The following COL23A1 variants were observed in gnomAD, a reference collection of about 807,000 sequenced individuals.
COL23A1 encodes collagen type XXIII alpha 1 chain, also known as collagen alpha-1(XXIII) chain.
COL23A1 carries 97 observed loss-of-function variants against 99.3 expected under a neutral mutation model. That is an observed-to-expected ratio of 0.98 (90% CI 0.83 to 1.16). The LOEUF (loss-of-function observed/expected upper bound fraction) is 1.16. Ranked by LOEUF, COL23A1 falls within the 50% of genes most tolerant of loss-of-function variation. COL23A1 has a pLI of 0.00. For synonymous variants in COL23A1, 320 were observed against 308.2 expected, an observed-to-expected ratio of 1.04 and a Z score of -0.40; for missense variants, 762 against 757.4, an observed-to-expected ratio of 1.01 and a Z score of -0.07.
chr5:178,485,135 C>T (rs1757548214), intron 2 of COL23A1, among the ~76,000 whole-genome samples: 1 of 152,192 alleles, frequency 6.6e-6, no homozygotes, highest in African/African-American at 2.4e-5. Context: ...TATTCCCCAC[C>T]TCATTCCAAC....
rs887570584 is a variant in COL23A1 at position 178,242,486 on chromosome 5, G to A, written c.1441-92C>T. 9.3e-6 allele frequency: 12 copies of A among 1,290,792 alleles called. No individual in the cohort carries two copies. In the East Asian group the frequency reaches 1.2e-4, roughly 13 times the overall value. 80.0% of individuals were successfully genotyped at this position (1,290,792 alleles called of 1,614,324 possible). On this transcript the variant is annotated intron_variant, in intron 25 of 28. Transcript: ENST00000390654. ...ATCTCTGTTCCTCTCCCATCCACACGCCCACTTTCCCCCCTGCATATTCGT... is the reference window on the plus strand; with the variant it reads ...ATCTCTGTTCCTCTCCCATCCACACACCCACTTTCCCCCCTGCATATTCGT...
In COL23A1 at chr5:178,238,657, T is replaced by G; in HGVS notation, c.*41A>C. ...GTTTTGTTTTTACAAAAATTAAAAA[T>G]GTCCACACGGATCTGTACAGGTGTG... On this transcript the variant is annotated 3_prime_UTR_variant, in exon 29 of 29. Transcript: ENST00000390654. The G allele has an allele frequency of 1.2e-6, 2 of 1,611,014 alleles. No individual in the cohort carries two copies. The highest frequency in any genetic ancestry group is 1.7e-6 in the Non-Finnish European group (2 of 1,179,032).
intron 2 of COL23A1, among the ~76,000 whole-genome samples, chr5:178,342,700 C>T (rs1473693081): frequency 6.6e-6 from 1 of 152,282 alleles, no homozygotes; most frequent in Middle Eastern, 3.4e-3. Context: ...AATCACATGT[C>T]CATTTGTGAT....
chr5:178,258,255 A>ATG (rs1765425100), intron 12 of COL23A1, among the ~76,000 whole-genome samples: 1 of 132,752 alleles, frequency 7.5e-6, no homozygotes, highest in Non-Finnish European at 1.7e-5. Flanking sequence ...ATATATATAT[A>ATG]TATATATACA....
intron 2 of COL23A1, among the ~76,000 whole-genome samples, chr5:178,409,108 C>G (rs1161642636): frequency 6.6e-6 from 1 of 151,820 alleles, no homozygotes; most frequent in African/African-American, 2.4e-5. Context: ...TACATGGATG[C>G]TCATAATATT....
intron 19 of COL23A1, 21 bp downstream of exon 19, chr5:178,249,096 T>C (rs376130070): frequency 6.2e-7 from 1 of 1,612,868 alleles, no homozygotes; most frequent in Non-Finnish European, 8.5e-7. Flanking sequence ...GCGTAATGTG[T>C]GGCCCAACCC....
At chr5:178,276,407 G>C (rs147296926) in intron 5 of COL23A1, among the ~76,000 whole-genome samples, 166 of 152,326 alleles carry the variant, frequency 1.1e-3, no homozygotes, top group Non-Finnish European at 2.0e-3. Flanking sequence ...AAATGCACTA[G>C]GACAAGGCCC....
chr5:178,326,299 C>G (rs1178277238), intron 2 of COL23A1, among the ~76,000 whole-genome samples: 1 of 152,110 alleles, frequency 6.6e-6, no homozygotes, highest in South Asian at 2.1e-4. Context: ...TATTTCTGAA[C>G]GTCCCTAAAC....
At chr5:178,249,716 A>ACACACACTCACTCTCTCTCT in intron 18 of COL23A1, among the ~76,000 whole-genome samples, 149 of 92,788 alleles carry the variant, frequency 1.6e-3, no homozygotes, top group East Asian at 2.9e-3. Context: ...ACACACACAC[A>ACACACACTCACTCTCTCTCT]CTCTCTCTCT....
chr5:178,400,087 C>A (rs184136192), intron 2 of COL23A1, among the ~76,000 whole-genome samples: 1 of 152,222 alleles, frequency 6.6e-6, no homozygotes, highest in Non-Finnish European at 1.5e-5. Context: ...ATGGAATAGG[C>A]TGGGCGCTGT....
At chr5:178,542,990 C>T (rs1010402341) in intron 2 of COL23A1, among the ~76,000 whole-genome samples, 4 of 152,142 alleles carry the variant, frequency 2.6e-5, no homozygotes, top group African/African-American at 9.7e-5. Context: ...TACTGACATC[C>T]TAGGGCATGG....
intron 2 of COL23A1, among the ~76,000 whole-genome samples, chr5:178,385,127 A>G (rs1344394695): frequency 6.6e-6 from 1 of 152,138 alleles, no homozygotes; most frequent in Non-Finnish European, 1.5e-5. Flanking sequence ...ACCCACAGCT[A>G]TAGGAGTGTG....
chr5:178,398,801 A>G (rs762488987), intron 2 of COL23A1, among the ~76,000 whole-genome samples: 1 of 152,262 alleles, frequency 6.6e-6, no homozygotes, highest in Non-Finnish European at 1.5e-5. Flanking sequence ...CTCATAGGAA[A>G]GGGATCCCCT....
intron 1 of COL23A1, among the ~76,000 whole-genome samples, chr5:178,585,028 G>A (rs1763854948): frequency 6.6e-6 from 1 of 152,216 alleles, no homozygotes; most frequent in South Asian, 2.1e-4. Context: ...TGCAACCAAC[G>A]GGACTGTGCC....
At chr5:178,358,326 G>A (rs111217356) in intron 2 of COL23A1, among the ~76,000 whole-genome samples, 1 of 147,710 alleles carries the variant, frequency 6.8e-6, no homozygotes, top group Non-Finnish European at 1.5e-5. Flanking sequence ...ATGTGTATGT[G>A]TATGTATGTC....
In COL23A1 at chr5:178,306,467, G is replaced by A. The variant is rs1400013134; in HGVS notation, c.406+408C>T. ...GGGGGAGTCTCCTCCTGGCGGCTCT[G>A]CCAAGGAAGGACAGGCCACGTCTGG... On this transcript the variant is annotated intron_variant, in intron 3 of 28. Transcript: ENST00000390654. This position sits in a 1 kb window ranked among gnomAD's most constrained non-coding sequence, Gnocchi z 4.1. Among the ~76,000 whole-genome samples, 6 of 151,944 alleles carry A rather than the reference G, an allele frequency of 3.9e-5. No individual in the cohort carries two copies. The highest frequency in any genetic ancestry group is 1.5e-4 in the African/African-American group (6 of 41,336).
At chr5:178,357,736 GTA>G (rs1491014244) in intron 2 of COL23A1, among the ~76,000 whole-genome samples, 21 of 150,008 alleles carry the variant, frequency 1.4e-4, no homozygotes, top group African/African-American at 9.9e-5. Context: ...GTGTGTGTGT[GTA>G]TGTACGTGTA....
rs1002666780 is a variant in COL23A1 at position 178,365,132 on chromosome 5, T to C, written c.362-58213A>G. Among the ~76,000 whole-genome samples, 1 of 114,368 alleles carries C rather than the reference T, an allele frequency of 8.7e-6. No individual in the cohort carries two copies. The highest frequency in any genetic ancestry group is 1.9e-5 in the Non-Finnish European group (1 of 54,040). 75.0% of individuals were successfully genotyped at this position (114,368 alleles called of 152,430 possible). A position where few individuals can be genotyped will look rare whatever the true frequency, so the allele number is the denominator to read the frequency against. On this transcript the variant is annotated intron_variant, in intron 2 of 28. Transcript: ENST00000390654. The surrounding 1 kb of genome is among the most constrained non-coding windows in gnomAD (Gnocchi z 5.2). The stretch of plus-strand genomic sequence containing the variant: ...GGGTGGGCTTTATGATGTTGCTGTG[T>C]GTGCGTGTGTGTGTGTGTGTGTGTG...
intron 2 of COL23A1, among the ~76,000 whole-genome samples, chr5:178,444,938 T>C (rs916040566): frequency 3.3e-5 from 5 of 152,220 alleles, no homozygotes; most frequent in Non-Finnish European, 7.3e-5. Context: ...AGCTACACAA[T>C]GTATACACAG....
Sources: allele counts gnomAD v4.1 joint callset (sites outside exome capture counted in the v4.1 genomes callset), GRCh38; gene constraint gnomAD v4.1.1; non-coding constraint Gnocchi (gnomAD v3.1); transcripts MANE v1.5; gene names NCBI Gene and HGNC (gene_info 2026-07-23, HGNC 2026-07-21).